Variants in CCSER2 observed in about 807,000 individuals in gnomAD.
CCSER2 encodes the protein serine-rich coiled-coil domain-containing protein 2.
CCSER2 carries 46 observed loss-of-function variants against 92.3 expected under a neutral mutation model. The observed-to-expected ratio is 0.50, with a 90% confidence interval of 0.39 to 0.64. The LOEUF is 0.64. CCSER2 is among the 30% of genes least tolerant of loss of function. CCSER2 has a pLI of 0.00. For synonymous variants in CCSER2, 433 were observed against 431.4 expected (o/e 1.00, Z -0.04); for missense variants, 1,244 against 1,238.9 (o/e 1.00, Z -0.06).
chr10:84,332,328 A>C (rs944027382), intron 1 of CCSER2, among the ~76,000 whole-genome samples: 5 of 149,976 alleles, frequency 3.3e-5, no homozygotes, highest in East Asian at 3.9e-4. Flanking sequence ...AACATCATAA[A>C]TATATTAATC....
chr10:84,330,160 G>A (rs915531098), intron 1 of CCSER2, among the ~76,000 whole-genome samples: 5 of 152,174 alleles, frequency 3.3e-5, no homozygotes. Flanking sequence ...ATATTTACAA[G>A]TCCTTCAGTG....
chr10:84,480,905 A>G (rs947751056), intron 9 of CCSER2, among the ~76,000 whole-genome samples: 5 of 152,218 alleles, frequency 3.3e-5, no homozygotes, highest in Admixed American at 1.3e-4. Flanking sequence ...TGATTTTTTT[A>G]CTAAACCAAA....
In CCSER2 at chr10:84,438,639, C is replaced by G. The variant is rs763740311; in HGVS notation, c.1996C>G (p.Arg666Gly). ...AGTGATACTGGATGAGATGACCCTT[C>G]GGCACATGGTTCAGGATTGCACTGC... ...NTVILDEMTLRHMVQDCTAVK... is the reference protein window; with the variant it reads ...NTVILDEMTLGHMVQDCTAVK... Residue 666 changes from arginine to glycine, a missense_variant, in exon 6 of 10, where the codon CGG becomes GGG. By Grantham distance (125) the Arg-to-Gly change is moderately radical. Transcript: ENST00000372088. 6.2e-7 allele frequency: 1 copy of G among 1,613,712 alleles called. No individual in the cohort carries two copies. Among genetic ancestry groups the G allele is most frequent in the African/African-American group, 1.3e-5 (1 of 75,002 alleles).
intron 3 of CCSER2, among the ~76,000 whole-genome samples, chr10:84,380,947 G>A (rs931433816): frequency 6.6e-6 from 1 of 152,010 alleles, no homozygotes. Context: ...TGCCCACCTC[G>A]GCCTCCCAAA....
chr10:84,401,496 T>C (rs1210374513), intron 3 of CCSER2, among the ~76,000 whole-genome samples: 1 of 152,116 alleles, frequency 6.6e-6, no homozygotes, highest in Non-Finnish European at 1.5e-5. Context: ...CAAGTTGAAA[T>C]AGATAATTTG....
chr10:84,461,422 A>T (rs1846093117), intron 6 of CCSER2, among the ~76,000 whole-genome samples: 1 of 152,138 alleles, frequency 6.6e-6, no homozygotes, highest in Non-Finnish European at 1.5e-5. Context: ...CTTCAATGAC[A>T]GGAGTGTTAG....
intron 3 of CCSER2, among the ~76,000 whole-genome samples, chr10:84,411,442 A>G (rs1245456987): frequency 1.3e-5 from 2 of 152,078 alleles, no homozygotes; most frequent in Non-Finnish European, 2.9e-5. Context: ...ATGAGTGTGG[A>G]ATGGTTTTCC....
chr10:84,465,481 T>A (rs371080540), intron 7 of CCSER2, among the ~76,000 whole-genome samples: 1 of 151,580 alleles, frequency 6.6e-6, no homozygotes. Context: ...TCTGCCACCA[T>A]GCTCGGCTAA....
intron 6 of CCSER2, among the ~76,000 whole-genome samples, chr10:84,458,040 T>G (rs1207118125): frequency 1.3e-5 from 2 of 151,984 alleles, no homozygotes; most frequent in African/African-American, 4.8e-5. Flanking sequence ...AGAGCAAAAG[T>G]TCTGCTCTTG....
At chr10:84,503,659 C>T (rs1297667412) in intron 9 of CCSER2, among the ~76,000 whole-genome samples, 1 of 152,138 alleles carries the variant, frequency 6.6e-6, no homozygotes, top group Non-Finnish European at 1.5e-5. Flanking sequence ...CGAAATAATA[C>T]CTATTTCTTA....
intron 1 of CCSER2, among the ~76,000 whole-genome samples, chr10:84,336,421 G>A (rs926742592): frequency 1.3e-5 from 2 of 152,258 alleles, no homozygotes; most frequent in Admixed American, 1.3e-4. Flanking sequence ...AAAAGAACAT[G>A]TGAGGGTGAT....
chr10:84,499,518 T>C (rs1052505677), intron 9 of CCSER2, among the ~76,000 whole-genome samples: 2 of 152,164 alleles, frequency 1.3e-5, no homozygotes, highest in African/African-American at 4.8e-5. Flanking sequence ...ACACCTAAAG[T>C]CTATCTCCCC....
intron 1 of CCSER2, among the ~76,000 whole-genome samples, chr10:84,359,894 A>G (rs974527301): frequency 2.0e-5 from 3 of 151,876 alleles, no homozygotes; most frequent in East Asian, 3.9e-4. Context: ...GCTCACTGCA[A>G]CTTCCACCTC....
intron 1 of CCSER2, among the ~76,000 whole-genome samples, chr10:84,360,552 A>G (rs1335767868): frequency 6.6e-6 from 1 of 152,232 alleles, no homozygotes; most frequent in African/African-American, 2.4e-5. Context: ...AATAAAATAC[A>G]TAAATCTTAA....
intron 3 of CCSER2, among the ~76,000 whole-genome samples, chr10:84,390,366 C>T (rs2133255438): frequency 6.6e-6 from 1 of 152,248 alleles, no homozygotes; most frequent in Admixed American, 6.5e-5. Flanking sequence ...ATAGAATGTA[C>T]TTACACAAAC....
At chr10:84,470,706 C>A (rs1473059273) in intron 8 of CCSER2, among the ~76,000 whole-genome samples, 1 of 151,872 alleles carries the variant, frequency 6.6e-6, no homozygotes, top group Non-Finnish European at 1.5e-5. Flanking sequence ...TAAAATTTAC[C>A]AATTTACATT....
chr10:84,369,750 C>T (rs117499722), intron 1 of CCSER2, among the ~76,000 whole-genome samples: 6,437 of 151,918 alleles, frequency 0.042, 204 homozygotes, highest in Non-Finnish European at 0.063. Context: ...AAGAGTTTTT[C>T]CTAGGTTTTC....
intron 3 of CCSER2, among the ~76,000 whole-genome samples, chr10:84,412,122 C>T (rs554070735): frequency 8.6e-4 from 131 of 152,204 alleles, no homozygotes; most frequent in Non-Finnish European, 1.1e-3. Context: ...TATTGATTTG[C>T]GTATGTTGAA....
At chr10:84,407,152 A>G (rs568706935) in intron 3 of CCSER2, among the ~76,000 whole-genome samples, 8 of 152,298 alleles carry the variant, frequency 5.3e-5, no homozygotes, top group African/African-American at 1.4e-4. Context: ...CTAGACCCCT[A>G]TATTCAGTTG....
Sources: allele counts gnomAD v4.1 joint callset (sites outside exome capture counted in the v4.1 genomes callset), GRCh38; gene constraint gnomAD v4.1.1; transcripts MANE v1.5; gene names NCBI Gene and HGNC (gene_info 2026-07-23, HGNC 2026-07-21).